Variants in NPY1R observed in about 807,000 individuals in gnomAD.
NPY1R encodes the protein neuropeptide Y receptor Y1, also known as neuropeptide Y receptor type 1.
Under a neutral mutation model 24.1 loss-of-function variants are expected in NPY1R, and 10 were observed. The observed-to-expected ratio is 0.42, with a 90% CI of 0.26 to 0.71. NPY1R has a LOEUF of 0.71. Ranked by LOEUF, NPY1R falls within the 30% of genes least tolerant of loss-of-function variation. The probability of loss-of-function intolerance (pLI) is 0.28; values close to 1 mark genes in which losing one functional copy is unlikely to be tolerated. For synonymous variants in NPY1R, 168 were observed against 165.9 expected, an observed-to-expected ratio of 1.01 and a Z score of -0.10; for missense variants, 350 against 458.0, an observed-to-expected ratio of 0.76 and a Z score of 2.15.
chr4:163,331,703 G>T (rs749151200), intron 1 of NPY1R, among the ~76,000 whole-genome samples: 11 of 152,262 alleles, frequency 7.2e-5, no homozygotes, highest in Non-Finnish European at 1.6e-4. Flanking sequence ...ACCCTATCAA[G>T]ACACCTCCAC....
rs1474730167 is a variant in NPY1R, at chr4:163,328,829, T to C, written c.-151-2124A>G. Among the ~76,000 whole-genome samples the C allele has an allele frequency of 2.6e-5, 4 of 152,206 alleles. No individual in the cohort carries two copies. In the East Asian group the frequency reaches 7.7e-4, roughly 29 times the overall value. ...ACCCATCTTTCAAAGCACCATTTAG[T>C]CCCTAGAATCCTTAGTTGGCTCCTC... On this transcript the variant is annotated intron_variant, in intron 1 of 2. Transcript: ENST00000296533.
Position 163,325,013 on chromosome 4 carries a change from T to C in NPY1R, c.*290A>G, listed in dbSNP as rs1401855076. On this transcript the variant is annotated 3_prime_UTR_variant, in exon 3 of 3. Coordinates refer to ENST00000296533, the MANE Select transcript of NPY1R (RefSeq NM_000909.6). The stretch of plus-strand genomic sequence containing the variant: ...ATAGTAATACTTTAAAGAAATTTCA[T>C]TCCAATAAGTACAGTATAAAAGTCT... The C allele has an allele frequency of 3.7e-6, 1 of 266,804 alleles. No individual in the cohort carries two copies. Among genetic ancestry groups the C allele is most frequent in the African/African-American group, 2.2e-5 (1 of 44,804 alleles). The allele number at this position is 266,804 out of a possible 1,614,324, so 16.5% of individuals were successfully genotyped here.
Position 163,326,312 on chromosome 4 carries a change from G to T in NPY1R, c.243C>A (p.Asn81Lys). The T allele has an allele frequency of 6.2e-7, 1 of 1,614,090 alleles. No individual in the cohort carries two copies. Reference sequence around the variant, plus strand: ...CAACAAGCAAGTCTGAGAAGGAAAGGTTCACAATCAGGATGTTGGTAACAT... The same window carrying T: ...CAACAAGCAAGTCTGAGAAGGAAAGTTTCACAATCAGGATGTTGGTAACAT... ...MRNVTNILIV[N>K]LSFSDLLVAI... The change falls in exon 2 of 3, where the codon AAC becomes AAA. Residue 81 changes from asparagine to lysine, a missense_variant. Physicochemically the swap from Asn to Lys is moderately conservative, Grantham distance 94. Coordinates refer to ENST00000296533, the MANE Select transcript of NPY1R (RefSeq NM_000909.6).
chr4:163,343,041 G>A (rs1735045246), intron 1 of NPY1R, among the ~76,000 whole-genome samples: 1 of 145,178 alleles, frequency 6.9e-6, no homozygotes, highest in Non-Finnish European at 1.5e-5. Flanking sequence ...TAAAGTACCT[G>A]CCACCTAATG....
At chr4:163,336,147 T>C (rs1382287849), upstream of NPY1R, among the ~76,000 whole-genome samples, 1 of 152,206 alleles carries the variant, frequency 6.6e-6, no homozygotes, top group Non-Finnish European at 1.5e-5. Context: ...TGCCTTTCAG[T>C]AAAGTTCTCA....
chr4:163,328,074 T>G (rs1048457794), intron 1 of NPY1R, among the ~76,000 whole-genome samples: 1 of 125,414 alleles, frequency 8.0e-6, no homozygotes, highest in African/African-American at 2.8e-5. Context: ...TTTTTGTGCT[T>G]TCTAGAACAT....
At chr4:163,341,729 TAGTG>T (rs1160090132) in intron 1 of NPY1R, among the ~76,000 whole-genome samples, 1 of 152,172 alleles carries the variant, frequency 6.6e-6, no homozygotes, top group East Asian at 1.9e-4. Context: ...ATTTTATAAA[TAGTG>T]AGTAGGAAAA....
At chr4:163,329,879 G>T (rs998405985) in intron 1 of NPY1R, among the ~76,000 whole-genome samples, 1 of 152,058 alleles carries the variant, frequency 6.6e-6, no homozygotes, top group Admixed American at 6.5e-5. Flanking sequence ...GGCTAAAGAG[G>T]GGGGTACAGA....
At chr4:163,342,117 G>GT (rs1735000310) in intron 1 of NPY1R, among the ~76,000 whole-genome samples, 1 of 152,164 alleles carries the variant, frequency 6.6e-6, no homozygotes, top group African/African-American at 2.4e-5. Flanking sequence ...TAGAATCTTT[G>GT]TATCAGTGGC....
intron 1 of NPY1R, chr4:163,344,005 G>C (rs1735092300): frequency 6.6e-6 from 1 of 152,506 alleles, no homozygotes; most frequent in East Asian, 1.9e-4. Flanking sequence ...CCCGAGGTAC[G>C]GGCTCCCGCC....
chr4:163,343,194 G>A (rs13121582), intron 1 of NPY1R, among the ~76,000 whole-genome samples: 122,154 of 149,346 alleles, frequency 0.82, 50,271 homozygotes, highest in Non-Finnish European at 0.88. Flanking sequence ...TTTTTAACCT[G>A]TGACAATTCG....
Position 163,325,235 on chromosome 4 carries a change from C to G in NPY1R, c.*68G>C. 3 of 1,096,572 alleles carry G rather than the reference C, an allele frequency of 2.7e-6. No individual in the cohort carries two copies. The South Asian group carries it at 4.6e-5, about 17-fold the overall frequency. The allele number at this position is 1,096,572 out of a possible 1,614,324, so 67.9% of individuals were successfully genotyped here. A position where few individuals can be genotyped will look rare whatever the true frequency, so the allele number is the denominator to read the frequency against. ...CCCATTCCTTGGGAGAACAGGTAAT[C>G]AAAGTATGTTGCAGGTTGTGCTTGT... On this transcript the variant is annotated 3_prime_UTR_variant, in exon 3 of 3. Transcript: ENST00000296533.
intron 1 of NPY1R, among the ~76,000 whole-genome samples, chr4:163,339,556 T>C (rs35178221): frequency 0.011 from 1,744 of 152,224 alleles, 29 homozygotes; most frequent in Middle Eastern, 0.024. Context: ...CATTATAAGA[T>C]ACTGAAGAAG....
chr4:163,337,643 G>A (rs1734873489), upstream of NPY1R, among the ~76,000 whole-genome samples: 1 of 152,124 alleles, frequency 6.6e-6, no homozygotes, highest in African/African-American at 2.4e-5. Context: ...CAGTCCATAA[G>A]CATAAAATCC....
chr4:163,335,827 A>G (rs1400512388), upstream of NPY1R, among the ~76,000 whole-genome samples: 1 of 152,168 alleles, frequency 6.6e-6, no homozygotes, highest in Non-Finnish European at 1.5e-5. Flanking sequence ...AAATGCTTTC[A>G]GTAAAGCAAT....
At chr4:163,344,097 C>G (rs1735100508) in intron 1 of NPY1R, 2 of 152,362 alleles carry the variant, frequency 1.3e-5, no homozygotes, top group South Asian at 4.1e-4. Context: ...CGAGTCTGCG[C>G]AGGTCCCTGG....
intron 1 of NPY1R, among the ~76,000 whole-genome samples, chr4:163,338,752 T>A (rs1734907014): frequency 6.6e-6 from 1 of 152,192 alleles, no homozygotes; most frequent in Non-Finnish European, 1.5e-5. Context: ...ATCAACTACA[T>A]GCTTGCATGT....
upstream of NPY1R, among the ~76,000 whole-genome samples, chr4:163,337,793 A>C (rs796359604): frequency 2.0e-5 from 3 of 152,332 alleles, no homozygotes; most frequent in African/African-American, 7.2e-5. Context: ...TCTCTTTCTC[A>C]TAGTAACTCC....
Position 163,338,177 on chromosome 4 carries a change from GCCCA to G in NPY1R, c.-152+6124_-152+6127del, listed in dbSNP as rs1304754565. ...CTGTTATGTAGATGGGTGAGAGATG[GCCCA>G]TGGGTGATGGCCTAAAATGGTCCCC... On this transcript the variant is annotated intron_variant, in intron 1 of 1. Transcript: ENST00000511901. Among the ~76,000 whole-genome samples the G allele has an allele frequency of 2.7e-3, 13 of 4,834 alleles. No homozygotes were observed. The East Asian group carries it at 0.5, about 186-fold the overall frequency. The allele number at this position is 4,834 out of a possible 152,430, so 3.2% of individuals were successfully genotyped here.
Sources: gnomAD v4.1 joint callset for allele counts (sites outside exome capture counted in the v4.1 genomes callset) on GRCh38, gnomAD v4.1.1 for gene constraint, MANE v1.5 for transcripts, NCBI Gene and HGNC (gene_info 2026-07-23, HGNC 2026-07-21) for gene names.